The following PLCH1 variants were observed in gnomAD, a reference collection of about 807,000 sequenced individuals.
The protein encoded by PLCH1 is 1-phosphatidylinositol 4,5-bisphosphate phosphodiesterase eta-1.
In PLCH1, 60 loss-of-function variants were observed where a neutral mutation model predicts 126.7. The observed-to-expected ratio is 0.47, with a 90% CI of 0.38 to 0.59. The LOEUF is 0.59. Among genes scored for constraint, PLCH1 ranks in the 20% least tolerant of loss-of-function variants. PLCH1 has a pLI of 0.00. For synonymous variants in PLCH1, 719 were observed against 734.9 expected (o/e 0.98, Z 0.35); for missense variants, 1,723 against 2,040.0 (o/e 0.84, Z 2.99).
At chr3:155,732,445 G>A (rs1748840309) in intron 1 of PLCH1, among the ~76,000 whole-genome samples, 1 of 151,772 alleles carries the variant, frequency 6.6e-6, no homozygotes, top group Admixed American at 6.6e-5. Context: ...CCAGCACTTT[G>A]GGAGGCCGAG....
intron 2 of PLCH1, among the ~76,000 whole-genome samples, chr3:155,691,177 T>C (rs1283277901): frequency 1.3e-5 from 2 of 152,228 alleles, no homozygotes; most frequent in Non-Finnish European, 2.9e-5. Context: ...AAACCTAGGT[T>C]TGAACTCCAT....
intron 1 of PLCH1, among the ~76,000 whole-genome samples, chr3:155,728,099 C>T (rs1180679711): frequency 6.6e-6 from 1 of 152,196 alleles, no homozygotes. Context: ...ACCCTCTTCA[C>T]TGAGCTTTTG....
chr3:155,543,000 C>T (rs899338503), intron 10 of PLCH1, among the ~76,000 whole-genome samples: 52 of 152,350 alleles, frequency 3.4e-4, no homozygotes, highest in Non-Finnish European at 6.3e-4. Context: ...TCCAAAGGAA[C>T]GCAGCTCCTC....
chr3:155,555,634 C>A (rs751186386), intron 8 of PLCH1, among the ~76,000 whole-genome samples: 3 of 152,220 alleles, frequency 2.0e-5, no homozygotes, highest in Non-Finnish European at 4.4e-5. Flanking sequence ...ATCTTACTTT[C>A]TCCTACACCC....
At chr3:155,716,969 C>T (rs1280414965) in intron 1 of PLCH1, among the ~76,000 whole-genome samples, 1 of 152,254 alleles carries the variant, frequency 6.6e-6, no homozygotes, top group Non-Finnish European at 1.5e-5. Flanking sequence ...AAGTTCTCTA[C>T]TTCCAAGTTA....
At chr3:155,743,648 C>A (rs891814212) in intron 1 of PLCH1, 4 of 395,212 alleles carry the variant, frequency 1.0e-5, no homozygotes, top group Non-Finnish European at 1.9e-5. Context: ...AACGCTGAGG[C>A]AACTGAAAAA....
chr3:155,514,878 C>T lies in PLCH1; in HGVS notation c.1477G>A (p.Gly493Arg), dbSNP rs1415255936. 1 of 1,595,744 alleles carries T rather than the reference C, an allele frequency of 6.3e-7. No individual in the cohort carries two copies. Among genetic ancestry groups the T allele is most frequent in the Admixed American group, 1.7e-5 (1 of 58,528 alleles). The change falls in exon 12 of 23, where the codon GGG becomes AGG. Residue 493 changes from glycine (G) to arginine (R), a missense_variant. Around this residue, in one of 2 missense-constraint regions of PLCH1, gnomAD observed 776 missense variants for 1,062.9 expected, o/e 0.73. Transcript: ENST00000460012. The stretch of plus-strand genomic sequence containing the variant: ...GATTCCACCTGATGCTCAGTGGTCC[C>T]ATTACTCTGCAAAGAATTAAGTAAC... ...ECKFKLHYSN[G>R]TTEHQVESFI...
chr3:155,481,970 C>A lies in PLCH1; in HGVS notation c.4056G>T (p.Val1352=), dbSNP rs372622252. Residue 1352 remains valine, a synonymous_variant, in exon 23 of 23, where the codon GTG becomes GTT. Coordinates refer to ENST00000460012, the MANE Select transcript of PLCH1 (RefSeq NM_014996.4). This position sits in a 1 kb window ranked among gnomAD's most constrained non-coding sequence, Gnocchi z 4.2. The part of the protein sequence containing the change: ...LCFNSGESSL[V]EIDGESENLS... Reference sequence around the variant, plus strand: ...GATTTTCTGATTCTCCATCAATTTCCACAAGGCTGCTCTCCCCAGAATTGA... The same window carrying A: ...GATTTTCTGATTCTCCATCAATTTCAACAAGGCTGCTCTCCCCAGAATTGA... 3.7e-6 allele frequency: 6 copies of A among 1,614,042 alleles called. No homozygotes were observed. Among genetic ancestry groups the A allele is most frequent in the Non-Finnish European group, 5.1e-6 (6 of 1,180,044 alleles).
chr3:155,473,313 C>T (rs1196451862), intron 21 of PLCH1, among the ~76,000 whole-genome samples: 1 of 152,046 alleles, frequency 6.6e-6, no homozygotes, highest in Non-Finnish European at 1.5e-5. Flanking sequence ...CATGAGTGAC[C>T]TCCCATTCAC....
chr3:155,661,303 A>G (rs780482897), intron 2 of PLCH1, among the ~76,000 whole-genome samples: 1 of 152,200 alleles, frequency 6.6e-6, no homozygotes, highest in African/African-American at 2.4e-5. Context: ...GGTTACTTAC[A>G]CTGGGTCACA....
intron 6 of PLCH1, among the ~76,000 whole-genome samples, chr3:155,571,677 G>T (rs1395123987): frequency 1.3e-5 from 2 of 152,208 alleles, no homozygotes; most frequent in African/African-American, 4.8e-5. Flanking sequence ...GGGATTACAG[G>T]TGTGAGCCAC....
chr3:155,566,304 TATATATAC>T (rs1303941611), intron 7 of PLCH1, among the ~76,000 whole-genome samples: 6,386 of 35,626 alleles, frequency 0.18, 1,530 homozygotes, highest in Middle Eastern at 0.3. Context: ...TATATACACA[TATATATAC>T]ATATATACAT....
At chr3:155,583,324 T>C (rs1387794368) in intron 6 of PLCH1, 148 bp downstream of exon 6, 1 of 600,618 alleles carries the variant, frequency 1.7e-6, no homozygotes, top group Non-Finnish European at 2.8e-6. Flanking sequence ...GAAACTGTTT[T>C]AAATGACTCA....
At chr3:155,549,488 A>G (rs1267407786) in intron 10 of PLCH1, among the ~76,000 whole-genome samples, 4 of 152,214 alleles carry the variant, frequency 2.6e-5, no homozygotes, top group Non-Finnish European at 2.9e-5. Context: ...TCACGCTCCT[A>G]CACACACATT....
intron 2 of PLCH1, among the ~76,000 whole-genome samples, chr3:155,623,507 C>A (rs1736802501): frequency 6.6e-6 from 1 of 152,068 alleles, no homozygotes; most frequent in Non-Finnish European, 1.5e-5. Context: ...AGATAGACCA[C>A]TAGCCAGACT....
intron 1 of PLCH1, among the ~76,000 whole-genome samples, chr3:155,730,145 AT>A (rs1748658231): frequency 1.3e-5 from 2 of 152,132 alleles, no homozygotes; most frequent in African/African-American, 4.8e-5. Flanking sequence ...AGCCTCTACT[AT>A]ATGAAGATAT....
chr3:155,632,304 T>C (rs1362158018), intron 2 of PLCH1, among the ~76,000 whole-genome samples: 2 of 152,196 alleles, frequency 1.3e-5, no homozygotes, highest in Non-Finnish European at 2.9e-5. Context: ...CTACTCCCTA[T>C]ATCTCCATAT....
chr3:155,528,904 A>C (rs1722304784), intron 10 of PLCH1, among the ~76,000 whole-genome samples: 1 of 152,248 alleles, frequency 6.6e-6, no homozygotes, highest in Admixed American at 6.5e-5. Context: ...TCTAATTAAA[A>C]GACCTGGCAT....
chr3:155,737,092 C>A (rs1749240375), intron 1 of PLCH1, among the ~76,000 whole-genome samples: 1 of 151,436 alleles, frequency 6.6e-6, no homozygotes, highest in South Asian at 2.1e-4. Context: ...ATTAGCCGGG[C>A]GTGGTGGCGC....
Sources: gnomAD v4.1 joint callset for allele counts (sites outside exome capture counted in the v4.1 genomes callset) on GRCh38, gnomAD v4.1.1 for gene constraint, gnomAD v4.1.1 regional missense constraint, Gnocchi (gnomAD v3.1) non-coding constraint, MANE v1.5 for transcripts, NCBI Gene and HGNC (gene_info 2026-07-23, HGNC 2026-07-21) for gene names.